The following SNCAIP variants were observed in gnomAD, a reference collection of about 807,000 sequenced individuals.
SNCAIP encodes synphilin-1.
Under a neutral mutation model 86.7 loss-of-function variants are expected in SNCAIP, and 43 were observed. That is an observed-to-expected ratio of 0.50 (90% CI 0.39 to 0.64). The LOEUF (loss-of-function observed/expected upper bound fraction) is 0.64, where lower values mean the gene tolerates loss of function less well. SNCAIP is among the 30% of genes least tolerant of loss of function. The pLI is 0.00. For missense variants in SNCAIP, 981 were observed against 1,103.1 expected (o/e 0.89, Z 1.57); for synonymous variants, 417 against 427.2 (o/e 0.98, Z 0.29).
chr5:122,458,486 C>T (rs1171569336), intron 10 of SNCAIP, among the ~76,000 whole-genome samples: 1 of 152,158 alleles, frequency 6.6e-6, no homozygotes, highest in Non-Finnish European at 1.5e-5. Context: ...TTTAAAAGAA[C>T]AGAGCCTGCC....
intron 1 of SNCAIP, chr5:122,336,855 A>T (rs192817088): frequency 1.3e-5 from 2 of 152,350 alleles, no homozygotes; most frequent in Non-Finnish European, 2.9e-5. Context: ...TGTCCATCTC[A>T]GCCTCCCAAA....
chr5:122,342,917 T>C (rs1757880642), intron 1 of SNCAIP, among the ~76,000 whole-genome samples: 1 of 152,236 alleles, frequency 6.6e-6, no homozygotes, highest in Admixed American at 6.5e-5. Flanking sequence ...GTAAAAGATA[T>C]CTGCAATTGA....
chr5:122,431,870 T>A, intron 5 of SNCAIP, 99 bp from the exon 6 acceptor site: 1 of 725,994 alleles, frequency 1.4e-6, no homozygotes, highest in Non-Finnish European at 2.5e-6. Flanking sequence ...ATGCCAAAAT[T>A]TATATGATTT....
intron 1 of SNCAIP, among the ~76,000 whole-genome samples, chr5:122,313,121 T>C (rs912748604): frequency 1.3e-5 from 2 of 152,224 alleles, no homozygotes; most frequent in Middle Eastern, 3.2e-3. Context: ...AACAGCATTG[T>C]TGCTCATTTT....
chr5:122,434,939 C>T (rs1361172414), intron 6 of SNCAIP, among the ~76,000 whole-genome samples: 1 of 152,130 alleles, frequency 6.6e-6, no homozygotes, highest in Non-Finnish European at 1.5e-5. Flanking sequence ...GAGGAAAATT[C>T]CTCTCTTGGT....
At chr5:122,342,624 A>T (rs903253499) in intron 1 of SNCAIP, among the ~76,000 whole-genome samples, 3 of 152,208 alleles carry the variant, frequency 2.0e-5, no homozygotes, top group Non-Finnish European at 4.4e-5. Flanking sequence ...AGATGAAGAA[A>T]CAGGCTTATA....
At chr5:122,370,327 A>C (rs1764033516) in intron 1 of SNCAIP, among the ~76,000 whole-genome samples, 2 of 151,388 alleles carry the variant, frequency 1.3e-5, no homozygotes, top group South Asian at 4.1e-4. Flanking sequence ...CTTTTTATTG[A>C]TATTTATTGA....
intron 3 of SNCAIP, among the ~76,000 whole-genome samples, chr5:122,422,237 C>T (rs1776532041): frequency 6.6e-6 from 1 of 152,120 alleles, no homozygotes; most frequent in African/African-American, 2.4e-5. Flanking sequence ...GTGGGGTTAA[C>T]TCAACTATGT....
intron 1 of SNCAIP, among the ~76,000 whole-genome samples, chr5:122,366,051 G>A (rs1374030897): frequency 6.6e-6 from 1 of 152,046 alleles, no homozygotes; most frequent in Non-Finnish European, 1.5e-5. Context: ...ATTAGTCAGG[G>A]TCAAGTCAAC....
At chr5:122,330,008 T>C (rs2152693093) in intron 1 of SNCAIP, among the ~76,000 whole-genome samples, 1 of 152,248 alleles carries the variant, frequency 6.6e-6, no homozygotes, top group East Asian at 1.9e-4. Context: ...AAATGCCTTC[T>C]TTGTTTTAAG....
intron 10 of SNCAIP, chr5:122,453,055 A>G (rs1296444708): frequency 1.8e-6 from 2 of 1,087,522 alleles, no homozygotes. Context: ...GAATTGCATG[A>G]GCTTTTAAAT....
chr5:122,372,729 A>G (rs1764516187), intron 1 of SNCAIP, among the ~76,000 whole-genome samples: 1 of 152,126 alleles, frequency 6.6e-6, no homozygotes, highest in Non-Finnish European at 1.5e-5. Flanking sequence ...TCCTTCACCA[A>G]TAGTTTAGAT....
intron 1 of SNCAIP, among the ~76,000 whole-genome samples, chr5:122,328,194 TAATA>T (rs1167294921): frequency 2.6e-5 from 4 of 152,222 alleles, no homozygotes; most frequent in African/African-American, 7.2e-5. Context: ...TGAATGTGAT[TAATA>T]AATAATCCTA....
chr5:122,339,835 A>G (rs1757207330), intron 1 of SNCAIP, among the ~76,000 whole-genome samples: 1 of 152,230 alleles, frequency 6.6e-6, no homozygotes, highest in Non-Finnish European at 1.5e-5. Context: ...CTAACGTGGA[A>G]TATTAAACGA....
intron 1 of SNCAIP, among the ~76,000 whole-genome samples, chr5:122,320,387 C>G (rs184807944): frequency 1.3e-5 from 2 of 152,178 alleles, no homozygotes; most frequent in Non-Finnish European, 2.9e-5. Flanking sequence ...ATTCTGGGCT[C>G]TGTCCTCTAA....
At chr5:122,391,865 G>A (rs922853307) in intron 2 of SNCAIP, among the ~76,000 whole-genome samples, 22 of 152,148 alleles carry the variant, frequency 1.4e-4, no homozygotes, top group East Asian at 3.9e-4. Flanking sequence ...TGCCTTATCC[G>A]GGACCACATA....
At chr5:122,314,087 G>T (rs1751213891) in intron 1 of SNCAIP, among the ~76,000 whole-genome samples, 1 of 152,192 alleles carries the variant, frequency 6.6e-6, no homozygotes. Flanking sequence ...TAAAGCAAAT[G>T]CATTTCTCTG....
rs140471478 is a variant in SNCAIP at position 122,430,162 on chromosome 5, T to C, written c.1183-1807T>C. Among the ~76,000 whole-genome samples, 205 of 152,290 alleles carry C rather than the reference T, an allele frequency of 1.3e-3. 1 individual carries two copies. Among genetic ancestry groups the C allele is most frequent in the African/African-American group, 4.6e-3 (191 of 41,550 alleles). ...TCCTTTTAGAATAAATTTTTACCCT[T>C]GAGCAGTTAAATGATAGAATTCTAA... On this transcript the variant is annotated intron_variant, in intron 5 of 10. Coordinates refer to ENST00000261368, the MANE Select transcript of SNCAIP (RefSeq NM_005460.4).
chr5:122,461,949 A>G (rs973548614), intron 10 of SNCAIP, among the ~76,000 whole-genome samples: 4 of 152,200 alleles, frequency 2.6e-5, no homozygotes, highest in Non-Finnish European at 5.9e-5. Context: ...GATTACAGGC[A>G]TGAGCCACCA....
Sources: gnomAD v4.1 joint callset for allele counts (sites outside exome capture counted in the v4.1 genomes callset) on GRCh38, gnomAD v4.1.1 for gene constraint, MANE v1.5 for transcripts, NCBI Gene and HGNC (gene_info 2026-07-23, HGNC 2026-07-21) for gene names.